Variants in TCF20 observed in about 807,000 individuals in gnomAD.
TCF20 encodes the protein transcription factor 20, also known as SPRE-binding protein.
TCF20 carries 3 observed loss-of-function variants against 148.6 expected under a neutral mutation model. The ratio of observed to expected loss-of-function variants is 0.02; its 90% CI spans 0.01 to 0.05. The LOEUF is 0.05. Ranked by LOEUF, TCF20 falls within the 10% of genes least tolerant of loss-of-function variation. TCF20 has a pLI of 1.00. For missense variants in TCF20, 2,350 were observed against 2,429.3 expected (o/e 0.97, Z 0.69); for synonymous variants, 1,049 against 909.5 (o/e 1.15, Z -2.76).
intron 1 of TCF20, among the ~76,000 whole-genome samples, chr22:42,261,112 CAT>C (rs1225258513): frequency 6.6e-6 from 1 of 152,188 alleles, no homozygotes; most frequent in Non-Finnish European, 1.5e-5. Flanking sequence ...TCACCCATTA[CAT>C]ATGATTTTTG....
intron 1 of TCF20, among the ~76,000 whole-genome samples, chr22:42,247,412 C>T (rs1216560648): frequency 6.7e-6 from 1 of 148,390 alleles, no homozygotes; most frequent in Non-Finnish European, 1.5e-5. Context: ...TGCACTCCAG[C>T]CTGGGTGATA....
chr22:42,287,865 C>CA (rs1346025120), upstream of TCF20, among the ~76,000 whole-genome samples: 32 of 142,984 alleles, frequency 2.2e-4, no homozygotes, highest in Middle Eastern at 3.5e-3. Flanking sequence ...CCTCACTAGC[C>CA]AAAAAAAAAG....
At chr22:42,172,140 G>C (rs1936168168) in intron 3 of TCF20, among the ~76,000 whole-genome samples, 1 of 151,926 alleles carries the variant, frequency 6.6e-6, no homozygotes, top group South Asian at 2.1e-4. Flanking sequence ...GGCCTCCCAT[G>C]CAGGAACACT....
intron 1 of TCF20, among the ~76,000 whole-genome samples, chr22:42,246,827 G>A (rs1029561731): frequency 2.0e-5 from 3 of 151,906 alleles, no homozygotes; most frequent in Non-Finnish European, 4.4e-5. Context: ...TTAGCCAGGC[G>A]TGGTGGCGGG....
chr22:42,258,265 T>TC (rs138966451), intron 1 of TCF20, among the ~76,000 whole-genome samples: 2,305 of 149,930 alleles, frequency 0.015, 57 homozygotes, highest in African/African-American at 0.053. Context: ...TCTCCATACC[T>TC]CCCCCCCCTT....
chr22:42,336,795 C>T (rs141267843), intron 1 of TCF20, among the ~76,000 whole-genome samples: 278 of 152,290 alleles, frequency 1.8e-3, no homozygotes, highest in African/African-American at 5.9e-3. Context: ...CCTGACCTCC[C>T]TCACGACTGG....
intron 1 of TCF20, among the ~76,000 whole-genome samples, chr22:42,319,013 G>A (rs1300634857): frequency 6.6e-6 from 1 of 152,212 alleles, no homozygotes; most frequent in Non-Finnish European, 1.5e-5. Flanking sequence ...CACCTGCTCT[G>A]TGCCACACCT....
chr22:42,254,114 C>CA (rs1422480030), intron 1 of TCF20, among the ~76,000 whole-genome samples: 2 of 151,242 alleles, frequency 1.3e-5, no homozygotes, highest in East Asian at 3.9e-4. Context: ...CTGAAGCTTC[C>CA]ACAGCATATT....
At chr22:42,251,326 T>C (rs1045204319) in intron 1 of TCF20, among the ~76,000 whole-genome samples, 7 of 151,904 alleles carry the variant, frequency 4.6e-5, no homozygotes, top group Non-Finnish European at 1.0e-4. Flanking sequence ...AGCTGGACTA[T>C]AGGTGCACGC....
chr22:42,225,580 G>C (rs1922809656), intron 1 of TCF20, among the ~76,000 whole-genome samples: 2 of 144,760 alleles, frequency 1.4e-5, no homozygotes, highest in Non-Finnish European at 3.0e-5. Flanking sequence ...CGCCACTGCA[G>C]TCCGCAGTCC....
intron 2 of TCF20, among the ~76,000 whole-genome samples, chr22:42,198,607 GAAT>G (rs1248186089): frequency 1.3e-5 from 2 of 151,444 alleles, no homozygotes; most frequent in African/African-American, 2.4e-5. Flanking sequence ...CTCATTTAGA[GAAT>G]AATGACAAGA....
At chr22:42,205,945 C>T (rs1428336924) in intron 2 of TCF20, among the ~76,000 whole-genome samples, 1 of 152,018 alleles carries the variant, frequency 6.6e-6, no homozygotes, top group African/African-American at 2.4e-5. Context: ...CTAATTTTTG[C>T]ATATTTTTAG....
chr22:42,271,388 T>C (rs1447135924), upstream of TCF20, among the ~76,000 whole-genome samples: 5 of 152,230 alleles, frequency 3.3e-5, no homozygotes, highest in African/African-American at 1.2e-4. Flanking sequence ...CCCGAATTAA[T>C]TTGCCGATAA....
rs10625678 is a variant in TCF20 at position 42,254,959 on chromosome 22, C to CAAAAAAAAAAAAAAAAAAA, written c.-37+15361_-37+15379dup. 2.0e-3 allele frequency among the ~76,000 whole-genome samples: 125 copies of CAAAAAAAAAAAAAAAAAAA among 62,800 alleles called. 11 individuals are homozygous for CAAAAAAAAAAAAAAAAAAA. Among genetic ancestry groups the CAAAAAAAAAAAAAAAAAAA allele is most frequent in the African/African-American group, 0.011 (112 of 10,446 alleles). The allele number at this position is 62,800 out of a possible 152,430, so 41.2% of individuals were successfully genotyped here. ...TGGGTGACACAGCAAGACTCCGTCTCAAAAAAAAAAAAAAAAAAAAGGTAG... is the reference window on the plus strand; with the variant it reads ...TGGGTGACACAGCAAGACTCCGTCTCAAAAAAAAAAAAAAAAAAAAAAAAAAAAAAAAAAAAAAAGGTAG... On this transcript the variant is annotated intron_variant, in intron 1 of 5. Transcript: ENST00000677622.
chr22:42,288,888 G>C (rs528318838), upstream of TCF20, among the ~76,000 whole-genome samples: 5 of 152,208 alleles, frequency 3.3e-5, no homozygotes, highest in Non-Finnish European at 7.3e-5. Context: ...GCAGGCCTGG[G>C]CTGGCTCCAA....
At chr22:42,224,244 G>C (rs1344624484) in intron 1 of TCF20, among the ~76,000 whole-genome samples, 1 of 151,982 alleles carries the variant, frequency 6.6e-6, no homozygotes, top group Non-Finnish European at 1.5e-5. Context: ...GGCCGAGGTG[G>C]GCGGATAACG....
At chr22:42,177,774 G>A (rs542076556) in intron 3 of TCF20, among the ~76,000 whole-genome samples, 36 of 152,240 alleles carry the variant, frequency 2.4e-4, no homozygotes, top group African/African-American at 8.2e-4. Context: ...CCTAAAACCC[G>A]TGTAAATTCC....
chr22:42,192,381 C>G (rs1282030392), intron 2 of TCF20, among the ~76,000 whole-genome samples: 1 of 152,204 alleles, frequency 6.6e-6, no homozygotes, highest in South Asian at 2.1e-4. Flanking sequence ...TTTCTTCCTA[C>G]TTGCATTCAT....
rs1935323737 is a variant in TCF20 at position 42,160,084 on chromosome 22, CTG to C, written c.*1317_*1318del. ...TTGTTTTTTGTTTTTTTAAATAAAA[CTG>C]TTTGTGAAACAGCTATTTTATCCCC... On this transcript the variant is annotated 3_prime_UTR_variant, in exon 6 of 6. Transcript: ENST00000677622. The C allele has an allele frequency of 6.6e-6, 1 of 152,372 alleles. No homozygotes were observed. Among genetic ancestry groups the C allele is most frequent in the African/African-American group, 2.4e-5 (1 of 41,358 alleles). 9.4% of individuals were successfully genotyped at this position (152,372 alleles called of 1,614,324 possible).
Sources: gnomAD v4.1 joint callset for allele counts (sites outside exome capture counted in the v4.1 genomes callset) on GRCh38, gnomAD v4.1.1 for gene constraint, MANE v1.5 for transcripts, NCBI Gene and HGNC (gene_info 2026-07-23, HGNC 2026-07-21) for gene names.